Variants in FAM168B observed in about 807,000 individuals in gnomAD.
The protein encoded by FAM168B is myelin-associated neurite-outgrowth inhibitor.
A neutral mutation model predicts 21.8 loss-of-function variants in FAM168B; 19 were observed. The observed-to-expected ratio is 0.87, with a 90% CI of 0.61 to 1.28. FAM168B has a LOEUF of 1.28. Ranked by LOEUF, FAM168B falls within the 50% of genes most tolerant of loss-of-function variation. FAM168B has a pLI of 0.00. For synonymous variants in FAM168B, 126 were observed against 104.8 expected (o/e 1.20, Z -1.24); for missense variants, 233 against 263.1 (o/e 0.89, Z 0.79).
At chr2:131,092,992 G>A (rs1299514545) in intron 1 of FAM168B, among the ~76,000 whole-genome samples, 1 of 151,738 alleles carries the variant, frequency 6.6e-6, no homozygotes, top group Non-Finnish European at 1.5e-5. Context: ...TAGGCGGCAG[G>A]CCCGCGCCGC....
rs1022408519 is a variant in FAM168B, at chr2:131,051,281, A to T, written c.*1184T>A. On this transcript the variant is annotated 3_prime_UTR_variant, in exon 7 of 7. Transcript: ENST00000389915. ...GGTGGGTGATCCCAGAAGCAGCTAC[A>T]GGTTTCTACATTTCCAGACATATCC... 1.0e-6 allele frequency: 1 copy of T among 985,222 alleles called. No individual in the cohort carries two copies. Among genetic ancestry groups the T allele is most frequent in the South Asian group, 4.7e-5 (1 of 21,282 alleles). 61.0% of individuals were successfully genotyped at this position (985,222 alleles called of 1,614,324 possible).
At chr2:131,085,184 T>A (rs1261840425) in intron 1 of FAM168B, among the ~76,000 whole-genome samples, 1 of 152,188 alleles carries the variant, frequency 6.6e-6, no homozygotes, top group Non-Finnish European at 1.5e-5. Context: ...ATTTTTAGGC[T>A]GAGTACAATG....
chr2:131,074,466 A>G (rs1356503096), intron 2 of FAM168B, among the ~76,000 whole-genome samples: 3 of 152,128 alleles, frequency 2.0e-5, no homozygotes, highest in African/African-American at 7.2e-5. Flanking sequence ...AGCCAACAAG[A>G]TGACTCAGGT....
intron 3 of FAM168B, among the ~76,000 whole-genome samples, chr2:131,056,925 G>A (rs779033819): frequency 3.3e-5 from 5 of 152,304 alleles, no homozygotes; most frequent in Non-Finnish European, 7.4e-5. Context: ...AGGGGCATGC[G>A]AGAACCTTTC....
chr2:131,069,184 T>C (rs1280664620), intron 3 of FAM168B, among the ~76,000 whole-genome samples: 1 of 152,182 alleles, frequency 6.6e-6, no homozygotes, highest in Non-Finnish European at 1.5e-5. Flanking sequence ...GTTCTTCTTG[T>C]AAAATAAAAA....
In FAM168B at chr2:131,050,163, C is replaced by T; in HGVS notation, c.*2302G>A. The T allele has an allele frequency of 3.0e-6, 3 of 985,438 alleles. No homozygotes were observed. The highest frequency in any genetic ancestry group is 3.6e-6 in the Non-Finnish European group (3 of 829,934). The allele number at this position is 985,438 out of a possible 1,614,324, so 61.0% of individuals were successfully genotyped here. A position where few individuals can be genotyped will look rare whatever the true frequency, so the allele number is the denominator to read the frequency against. ...GCAGCCCACTCTTTAAAACACCATC[C>T]TGTGTGTGCCAAGTACCAAGCAAGC... On this transcript the variant is annotated 3_prime_UTR_variant, in exon 7 of 7. Transcript: ENST00000389915.
chr2:131,064,724 G>A lies in FAM168B; in HGVS notation c.154+7131C>T, dbSNP rs918541249. ...AAAAAGAAAAGAACTCAGGCAGAAG[G>A]GAAAGGCAAAAGCAAGCCCTGGGAT... On this transcript the variant is annotated intron_variant, in intron 3 of 6. Coordinates refer to ENST00000389915, the MANE Select transcript of FAM168B (RefSeq NM_001009993.4). Among the ~76,000 whole-genome samples, 9 of 152,116 alleles carry A rather than the reference G, an allele frequency of 5.9e-5. 1 individual carries two copies. The highest frequency in any genetic ancestry group is 2.6e-4 in the Admixed American group (4 of 15,264).
chr2:131,087,553 C>A (rs888818990), intron 1 of FAM168B, among the ~76,000 whole-genome samples: 5 of 152,200 alleles, frequency 3.3e-5, no homozygotes, highest in African/African-American at 4.8e-5. Flanking sequence ...GAAATGAGAA[C>A]AAGCAAGATG....
At chr2:131,060,072 G>T (rs907207966) in intron 3 of FAM168B, among the ~76,000 whole-genome samples, 1 of 151,822 alleles carries the variant, frequency 6.6e-6, no homozygotes, top group Non-Finnish European at 1.5e-5. Context: ...CTGTCACCCA[G>T]GCTGGAGTGC....
At position 131,052,160 on chromosome 2, in the gene FAM168B, G is replaced by GT. The variant is rs961870637; in HGVS notation, c.*304dup. 4.1e-6 allele frequency: 4 copies of GT among 985,558 alleles called. No individual in the cohort carries two copies. Among genetic ancestry groups the GT allele is most frequent in the Non-Finnish European group, 4.8e-6 (4 of 829,904 alleles). 61.1% of individuals were successfully genotyped at this position (985,558 alleles called of 1,614,324 possible). On this transcript the variant is annotated 3_prime_UTR_variant, in exon 7 of 7. Coordinates refer to ENST00000389915, the MANE Select transcript of FAM168B (RefSeq NM_001009993.4). ...TAGATTGAGCAAGCTTTTTGTGTTT[G>GT]TTTTTTTAAACATGCATTCAACTAG...
chr2:131,090,150 A>C (rs35840923), intron 1 of FAM168B, among the ~76,000 whole-genome samples: 5 of 64,816 alleles, frequency 7.7e-5, no homozygotes, highest in Non-Finnish European at 1.5e-4. Flanking sequence ...TACCAAAAAT[A>C]CAAAAAAAAA....
At chr2:131,066,930 C>G (rs1015533058) in intron 3 of FAM168B, among the ~76,000 whole-genome samples, 2 of 152,186 alleles carry the variant, frequency 1.3e-5, no homozygotes, top group East Asian at 3.9e-4. Context: ...AATGGACTCA[C>G]AGTTACACAT....
chr2:131,091,058 A>G (rs1693993954), intron 1 of FAM168B, among the ~76,000 whole-genome samples: 1 of 152,186 alleles, frequency 6.6e-6, no homozygotes. Flanking sequence ...AAGAAGCTGG[A>G]TACGGTGGCT....
intron 3 of FAM168B, among the ~76,000 whole-genome samples, chr2:131,066,209 A>T (rs1461046983): frequency 1.4e-5 from 2 of 140,812 alleles, no homozygotes; most frequent in African/African-American, 5.5e-5. Context: ...TCTGTCGCCC[A>T]GGCTGGAGTG....
chr2:131,050,560 A>C lies in FAM168B; in HGVS notation c.*1905T>G. 1.0e-6 allele frequency: 1 copy of C among 985,818 alleles called. No homozygotes were observed. The highest frequency in any genetic ancestry group is 4.7e-5 in the South Asian group (1 of 21,280). 61.1% of individuals were successfully genotyped at this position (985,818 alleles called of 1,614,324 possible). ...AGCAATTTAAAGTACTTATCAGTAA[A>C]CATTCTATGTTAATAGACATCAGGA... On this transcript the variant is annotated 3_prime_UTR_variant, in exon 7 of 7. Coordinates refer to ENST00000389915, the MANE Select transcript of FAM168B (RefSeq NM_001009993.4).
intron 3 of FAM168B, among the ~76,000 whole-genome samples, chr2:131,069,897 C>A (rs1391378280): frequency 6.6e-6 from 1 of 151,820 alleles, no homozygotes; most frequent in Non-Finnish European, 1.5e-5. Context: ...CTCACCCTGT[C>A]GCCCAGGCTG....
intron 5 of FAM168B, among the ~76,000 whole-genome samples, chr2:131,054,534 G>C (rs927912998): frequency 1.3e-5 from 2 of 152,190 alleles, no homozygotes; most frequent in Non-Finnish European, 2.9e-5. Flanking sequence ...TTTCTCTCTG[G>C]CATAATTTCC....
intron 3 of FAM168B, among the ~76,000 whole-genome samples, chr2:131,068,459 C>T (rs1470160818): frequency 6.6e-6 from 1 of 152,188 alleles, no homozygotes; most frequent in African/African-American, 2.4e-5. Context: ...CCGTGCCCGG[C>T]TGCCTTATAT....
intron 1 of FAM168B, among the ~76,000 whole-genome samples, chr2:131,092,408 CAA>C (rs1242215006): frequency 6.6e-6 from 1 of 152,056 alleles, no homozygotes; most frequent in East Asian, 1.9e-4. Flanking sequence ...TTGCCAAAAC[CAA>C]AAAGTTTTAT....
Sources: allele counts gnomAD v4.1 joint callset (sites outside exome capture counted in the v4.1 genomes callset), GRCh38; gene constraint gnomAD v4.1.1; transcripts MANE v1.5; gene names NCBI Gene and HGNC (gene_info 2026-07-23, HGNC 2026-07-21).